The following EYA4 variants were observed in gnomAD, a reference collection of about 807,000 sequenced individuals.
The protein encoded by EYA4 is EYA transcriptional coactivator and phosphatase 4, also known as protein phosphatase EYA4.
Under a neutral mutation model 87.9 loss-of-function variants are expected in EYA4, and 31 were observed. The observed-to-expected ratio is 0.35, with a 90% CI of 0.27 to 0.48. The LOEUF is 0.48. Among genes scored for constraint, EYA4 ranks in the 20% least tolerant of loss-of-function variants. EYA4 has a pLI of 0.99. For missense variants in EYA4, 678 were observed against 761.4 expected, an observed-to-expected ratio of 0.89 and a Z score of 1.29; for synonymous variants, 263 against 270.6, an observed-to-expected ratio of 0.97 and a Z score of 0.28.
At chr6:133,329,780 A>G (rs1457280976) in intron 2 of EYA4, among the ~76,000 whole-genome samples, 3 of 152,132 alleles carry the variant, frequency 2.0e-5, no homozygotes, top group East Asian at 1.9e-4. Flanking sequence ...GTAGTGTACA[A>G]TATATACTCA....
At chr6:133,478,603 G>T (rs1795945304) in intron 11 of EYA4, among the ~76,000 whole-genome samples, 1 of 152,120 alleles carries the variant, frequency 6.6e-6, no homozygotes. Flanking sequence ...CATGTACTAA[G>T]GGGTGAATAA....
At position 133,453,387 on chromosome 6, in the gene EYA4, AT is replaced by A. The variant is rs542166156; in HGVS notation, c.278-3167del. Among the ~76,000 whole-genome samples, 428 of 152,162 alleles carry A rather than the reference AT, an allele frequency of 2.8e-3. 1 individual carries two copies. Among genetic ancestry groups the A allele is most frequent in the Non-Finnish European group, 4.4e-3 (301 of 67,910 alleles). ...TGTTTTCCAAGCTTTATCTATAATT[AT>A]TATATAATGTTTACTTTATACTAGT... On this transcript the variant is annotated intron_variant, in intron 5 of 19. Coordinates refer to ENST00000355286, the MANE Select transcript of EYA4 (RefSeq NM_004100.5).
intron 3 of EYA4, among the ~76,000 whole-genome samples, chr6:133,427,975 A>G (rs1019884211): frequency 1.3e-5 from 2 of 152,210 alleles, no homozygotes; most frequent in African/African-American, 4.8e-5. Flanking sequence ...TTTGGAATCT[A>G]TTCTGCTAGA....
At chr6:133,339,326 A>G (rs867711607) in intron 2 of EYA4, among the ~76,000 whole-genome samples, 28 of 152,346 alleles carry the variant, frequency 1.8e-4, no homozygotes, top group Middle Eastern at 3.4e-3. Context: ...GTATATTCAA[A>G]GTACCTAAGC....
At chr6:133,284,981 G>T (rs1777916502) in intron 2 of EYA4, among the ~76,000 whole-genome samples, 1 of 143,460 alleles carries the variant, frequency 7.0e-6, no homozygotes, top group Admixed American at 7.1e-5. Context: ...GACAGCTGTG[G>T]TTTTTTGTTT....
At chr6:133,299,989 C>G (rs1779273461) in intron 2 of EYA4, among the ~76,000 whole-genome samples, 1 of 150,440 alleles carries the variant, frequency 6.6e-6, no homozygotes, top group Admixed American at 6.6e-5. Flanking sequence ...TACCCCACAA[C>G]CCAACTACTA....
At chr6:133,245,612 A>G (rs1291390011) in intron 1 of EYA4, among the ~76,000 whole-genome samples, 1 of 152,202 alleles carries the variant, frequency 6.6e-6, no homozygotes, top group Non-Finnish European at 1.5e-5. Context: ...AAGAAATGAC[A>G]TGCTGTTTCA....
intron 3 of EYA4, among the ~76,000 whole-genome samples, chr6:133,428,554 T>G (rs1040051264): frequency 6.6e-6 from 1 of 152,214 alleles, no homozygotes; most frequent in Non-Finnish European, 1.5e-5. Flanking sequence ...TAGACTGGCC[T>G]CAAGAGTGGT....
intron 2 of EYA4, among the ~76,000 whole-genome samples, chr6:133,375,641 T>TA (rs1319431154): frequency 3.3e-5 from 5 of 151,944 alleles, no homozygotes; most frequent in African/African-American, 1.2e-4. Context: ...TATCAATTTT[T>TA]AAAAAAATTA....
At chr6:133,298,820 G>T (rs571478858) in intron 2 of EYA4, among the ~76,000 whole-genome samples, 31 of 152,296 alleles carry the variant, frequency 2.0e-4, no homozygotes, top group African/African-American at 6.5e-4. Flanking sequence ...TTAACCTACA[G>T]AAATAATTTC....
intron 2 of EYA4, among the ~76,000 whole-genome samples, chr6:133,307,669 G>A (rs1471557740): frequency 6.6e-6 from 1 of 152,142 alleles, no homozygotes; most frequent in Non-Finnish European, 1.5e-5. Context: ...GATAGTTACT[G>A]AGGCCTTACC....
At chr6:133,390,453 C>G (rs2128493748) in intron 3 of EYA4, among the ~76,000 whole-genome samples, 1 of 152,264 alleles carries the variant, frequency 6.6e-6, no homozygotes, top group South Asian at 2.1e-4. Context: ...AACTCCTGAC[C>G]TCAAGTCATC....
At chr6:133,387,126 T>C (rs543063411) in intron 3 of EYA4, among the ~76,000 whole-genome samples, 1 of 152,344 alleles carries the variant, frequency 6.6e-6, no homozygotes, top group East Asian at 1.9e-4. Flanking sequence ...ATCTATTCAA[T>C]GTCTACATGC....
At chr6:133,502,678 A>G (rs547989933) in intron 13 of EYA4, 6 of 152,338 alleles carry the variant, frequency 3.9e-5, no homozygotes, top group Admixed American at 3.3e-4. Context: ...GTGACTTAGT[A>G]AGCTGGAAAA....
intron 3 of EYA4, among the ~76,000 whole-genome samples, chr6:133,440,663 A>C (rs1384654121): frequency 6.6e-6 from 1 of 152,214 alleles, no homozygotes. Flanking sequence ...TTCAGGAGCT[A>C]TCAGACAAGA....
chr6:133,354,995 A>G (rs923833929), intron 2 of EYA4, among the ~76,000 whole-genome samples: 9 of 152,342 alleles, frequency 5.9e-5, no homozygotes, highest in Admixed American at 5.2e-4. Flanking sequence ...GCTTTTAGAC[A>G]GTAGAATAAT....
At chr6:133,439,241 A>C (rs1360286700) in intron 3 of EYA4, 1 of 151,960 alleles carries the variant, frequency 6.6e-6, no homozygotes, top group African/African-American at 2.4e-5. Context: ...TGTTTGTTCC[A>C]TGATTGGCAA....
At chr6:133,276,766 A>AT (rs1386316422) in intron 2 of EYA4, among the ~76,000 whole-genome samples, 1 of 152,160 alleles carries the variant, frequency 6.6e-6, no homozygotes, top group East Asian at 1.9e-4. Flanking sequence ...TGACTTGCCC[A>AT]TGTTGGCATA....
At chr6:133,325,343 G>T (rs2128367418) in intron 2 of EYA4, 1 of 152,194 alleles carries the variant, frequency 6.6e-6, no homozygotes, top group South Asian at 2.1e-4. Flanking sequence ...TGTTTAATCA[G>T]GTAACAATGG....
Sources: gnomAD v4.1 joint callset for allele counts (sites outside exome capture counted in the v4.1 genomes callset) on GRCh38, gnomAD v4.1.1 for gene constraint, MANE v1.5 for transcripts, NCBI Gene and HGNC (gene_info 2026-07-23, HGNC 2026-07-21) for gene names.